The following PCDHA3 variants were observed in gnomAD, a reference collection of about 807,000 sequenced individuals.
PCDHA3 encodes the protein protocadherin alpha-3.
PCDHA3 carries 41 observed loss-of-function variants against 62.2 expected under a neutral mutation model. That is an observed-to-expected ratio of 0.66 (90% CI 0.51 to 0.86). The LOEUF (loss-of-function observed/expected upper bound fraction) is 0.86. Ranked by LOEUF, PCDHA3 falls within the 40% of genes least tolerant of loss-of-function variation. The pLI is 0.00. For synonymous variants in PCDHA3, 640 were observed against 555.4 expected (o/e 1.15, Z -2.14); for missense variants, 1,304 against 1,241.2 (o/e 1.05, Z -0.76).
intron 2 of PCDHA3, among the ~76,000 whole-genome samples, chr5:140,981,266 A>C (rs1355658823): frequency 6.6e-6 from 1 of 152,166 alleles, no homozygotes; most frequent in Non-Finnish European, 1.5e-5. Context: ...AAGATAAGCA[A>C]ATGTCTAGTT....
At chr5:140,814,714 T>C (rs1554126579) in intron 1 of PCDHA3, 2 of 152,190 alleles carry the variant, frequency 1.3e-5, no homozygotes. Flanking sequence ...CACTAGGTGA[T>C]AGGAATTTTT....
intron 1 of PCDHA3, chr5:140,853,462 C>A: frequency 1.0e-6 from 1 of 971,970 alleles, no homozygotes; most frequent in Non-Finnish European, 1.2e-6. Context: ...TCCTTATATG[C>A]ATCTGTAGTT....
In PCDHA3 at chr5:141,011,713, T is replaced by G. The variant is rs1198989870; in HGVS notation, c.*1776T>G. 6.5e-6 allele frequency: 1 copy of G among 153,774 alleles called. No individual in the cohort carries two copies. The highest frequency in any genetic ancestry group is 1.5e-5 in the Non-Finnish European group (1 of 68,048). 9.5% of individuals were successfully genotyped at this position (153,774 alleles called of 1,614,324 possible). On this transcript the variant is annotated 3_prime_UTR_variant, in exon 4 of 4. Coordinates refer to ENST00000522353, the MANE Select transcript of PCDHA3 (RefSeq NM_018906.3). Reference sequence around the variant, plus strand: ...ATTTTGGAATGAATACTGACAATATTCCATGAGGGTGTGCAAGCACAAATT... The same window carrying G: ...ATTTTGGAATGAATACTGACAATATGCCATGAGGGTGTGCAAGCACAAATT...
At chr5:140,837,965 A>G (rs1208755583) in intron 1 of PCDHA3, among the ~76,000 whole-genome samples, 1 of 151,758 alleles carries the variant, frequency 6.6e-6, no homozygotes, top group Non-Finnish European at 1.5e-5. Flanking sequence ...AGACACGAAC[A>G]ACCACACCCA....
In PCDHA3 at chr5:141,010,151, C is replaced by T. The variant is rs1554262715; in HGVS notation, c.*214C>T. 1 of 1,578,076 alleles carries T rather than the reference C, an allele frequency of 6.3e-7. No homozygotes were observed. Among genetic ancestry groups the T allele is most frequent in the South Asian group, 1.1e-5 (1 of 87,432 alleles). On this transcript the variant is annotated 3_prime_UTR_variant, in exon 4 of 4. Transcript: ENST00000522353. The stretch of plus-strand genomic sequence containing the variant: ...CTGGTGTTAACTCTTTCTCTCCACT[C>T]TGGCTTGTTTTCAGAACCTAAAAAG...
rs1190027185 is a variant in PCDHA3, at chr5:140,882,058, C to T, written c.2394+78467C>T. On this transcript the variant is annotated intron_variant, in intron 1 of 3. Transcript: ENST00000522353. ...GAAGACTGAGTCATACTTACACTTA[C>T]ACGTTCATGCGCATGGTGTCGCTCT... is the stretch of plus-strand genomic sequence containing the variant. 1.0e-5 allele frequency: 8 copies of T among 794,854 alleles called. No individual in the cohort carries two copies. The Admixed American group carries it at 2.4e-4, about 24-fold the overall frequency. The allele number at this position is 794,854 out of a possible 1,614,324, so 49.2% of individuals were successfully genotyped here.
intron 3 of PCDHA3, among the ~76,000 whole-genome samples, chr5:140,983,802 A>G (rs2097069375): frequency 6.6e-6 from 1 of 152,246 alleles, no homozygotes; most frequent in South Asian, 2.1e-4. Context: ...ATGTGTGTGT[A>G]AAAGGTTTTT....
rs782031063 is a variant in PCDHA3 at position 140,808,432 on chromosome 5, C to T, written c.2394+4841C>T. On this transcript the variant is annotated intron_variant, in intron 1 of 3. Transcript: ENST00000522353. Reference sequence around the variant, plus strand: ...TGGTGCTGGACAGTGCCCTGGACCGCGAGAGCGTGTCAGCCTATGAGCTGG... The same window carrying T: ...TGGTGCTGGACAGTGCCCTGGACCGTGAGAGCGTGTCAGCCTATGAGCTGG... 2.4e-5 allele frequency: 39 copies of T among 1,614,166 alleles called. No individual in the cohort carries two copies. The East Asian group carries it at 8.2e-4, about 34-fold the overall frequency.
At chr5:140,836,173 T>C in intron 1 of PCDHA3, 2 of 1,613,820 alleles carry the variant, frequency 1.2e-6, no homozygotes, top group Non-Finnish European at 1.7e-6. Flanking sequence ...GTACGTGCAG[T>C]TGACGCTGAC....
At chr5:140,815,273 C>T (rs2126662792) in intron 1 of PCDHA3, 88,389 of 151,918 alleles carry the variant, frequency 0.58, 26,490 homozygotes, top group African/African-American at 0.73. Flanking sequence ...CCTCTTTCCT[C>T]CTCTTACTGT....
chr5:140,942,120 A>G (rs2093234009), intron 1 of PCDHA3, among the ~76,000 whole-genome samples: 1 of 152,234 alleles, frequency 6.6e-6, no homozygotes, highest in South Asian at 2.1e-4. Flanking sequence ...ACTTTATTAA[A>G]GGTGATATTT....
chr5:140,966,426 C>T, intron 1 of PCDHA3: 1 of 421,820 alleles, frequency 2.4e-6, no homozygotes. Flanking sequence ...ACTTGCTGAG[C>T]CCTCCTACCG....
intron 1 of PCDHA3, chr5:140,869,622 TA>T: frequency 6.2e-7 from 1 of 1,613,790 alleles, no homozygotes; most frequent in Non-Finnish European, 8.5e-7. Context: ...ACAGGCTAAG[TA>T]AAAATGAGTA....
At chr5:140,858,175 G>A in intron 1 of PCDHA3, 2 of 1,597,716 alleles carry the variant, frequency 1.3e-6, no homozygotes, top group Non-Finnish European at 1.7e-6. Flanking sequence ...CCAGCTTGCT[G>A]GTGCTCACGC....
At chr5:140,828,499 G>A (rs2150156076) in intron 1 of PCDHA3, 7 of 1,614,142 alleles carry the variant, frequency 4.3e-6, no homozygotes, top group Admixed American at 1.7e-5. Flanking sequence ...TCCCGGTAGA[G>A]GAACAAAGAG....
chr5:140,840,327 C>T (rs1421494341), intron 1 of PCDHA3, among the ~76,000 whole-genome samples: 1 of 151,704 alleles, frequency 6.6e-6, no homozygotes, highest in East Asian at 1.9e-4. Flanking sequence ...GACTCATTTT[C>T]TAGGCAATGT....
chr5:140,804,882 C>A, intron 1 of PCDHA3: 4 of 589,346 alleles, frequency 6.8e-6, no homozygotes, highest in South Asian at 3.2e-5. Flanking sequence ...TTCTTGACTC[C>A]TCTCCTTCCC....
chr5:140,862,813 T>C lies in PCDHA3; in HGVS notation c.2394+59222T>C. 2 of 571,594 alleles carry C rather than the reference T, an allele frequency of 3.5e-6. 1 individual carries two copies. Among genetic ancestry groups the C allele is most frequent in the Non-Finnish European group, 6.7e-6 (2 of 297,160 alleles). The allele number at this position is 571,594 out of a possible 1,614,324, so 35.4% of individuals were successfully genotyped here. On this transcript the variant is annotated intron_variant, in intron 1 of 3. Coordinates refer to ENST00000522353, the MANE Select transcript of PCDHA3 (RefSeq NM_018906.3). ...CGAGGAGCTGGAGCTGCTGCAGTTC[T>C]AGGTGAGAGCGCGCGACGCGGGCAT... is the stretch of plus-strand genomic sequence containing the variant.
Position 140,856,446 on chromosome 5 carries a change from C to T in PCDHA3, c.2394+52855C>T. On this transcript the variant is annotated intron_variant, in intron 1 of 3. Coordinates refer to ENST00000522353, the MANE Select transcript of PCDHA3 (RefSeq NM_018906.3). ...ATTAACGACAACCCGCCCAGGTTCTCCGTAACAGAACAAAAGCTCTCAATA... is the reference window on the plus strand; with the variant it reads ...ATTAACGACAACCCGCCCAGGTTCTTCGTAACAGAACAAAAGCTCTCAATA... 1.9e-6 allele frequency: 3 copies of T among 1,598,398 alleles called. 1 individual carries two copies. Among genetic ancestry groups the T allele is most frequent in the Non-Finnish European group, 8.6e-7 (1 of 1,167,936 alleles).
Sources: gnomAD v4.1 joint callset for allele counts (sites outside exome capture counted in the v4.1 genomes callset) on GRCh38, gnomAD v4.1.1 for gene constraint, MANE v1.5 for transcripts, NCBI Gene and HGNC (gene_info 2026-07-23, HGNC 2026-07-21) for gene names.